MAP2K1: variants seen among roughly 807,000 people sequenced by gnomAD.
MAP2K1 encodes the protein dual specificity mitogen-activated protein kinase kinase 1.
A neutral mutation model predicts 46.3 loss-of-function variants in MAP2K1; 16 were observed. The observed-to-expected ratio is 0.35, with a 90% CI of 0.23 to 0.52. The LOEUF (loss-of-function observed/expected upper bound fraction) is 0.52, where lower values mean the gene tolerates loss of function less well. Among genes scored for constraint, MAP2K1 ranks in the 20% least tolerant of loss-of-function variants. MAP2K1 has a pLI of 0.94. For synonymous variants in MAP2K1, 183 were observed against 185.6 expected (o/e 0.99, Z 0.11); for missense variants, 263 against 497.1 (o/e 0.53, Z 4.48).
In MAP2K1 at chr15:66,491,015, T is replaced by C. The variant is rs772667633; in HGVS notation, c.*400T>C. ...GGTGGTACTTTATTCTTGCTGGGCA[T>C]ACTTTCTCTCTAGGAGGGAGCCTTG... On this transcript the variant is annotated 3_prime_UTR_variant, in exon 11 of 11. Coordinates refer to ENST00000307102, the MANE Select transcript of MAP2K1 (RefSeq NM_002755.4). 2.4e-6 allele frequency: 1 copy of C among 423,144 alleles called. No homozygotes were observed. Among genetic ancestry groups the C allele is most frequent in the Non-Finnish European group, 4.4e-6 (1 of 226,922 alleles). The allele number at this position is 423,144 out of a possible 1,614,324, so 26.2% of individuals were successfully genotyped here.
chr15:66,489,902 A>C, intron 10 of MAP2K1, 139 bp downstream of exon 10: 1 of 796,562 alleles, frequency 1.3e-6, no homozygotes, highest in South Asian at 1.4e-5. Context: ...GCAGAATACC[A>C]AACACCAGTC....
chr15:66,457,815 T>C (rs1378449222), intron 5 of MAP2K1, among the ~76,000 whole-genome samples: 5 of 151,752 alleles, frequency 3.3e-5, no homozygotes, highest in Non-Finnish European at 5.9e-5. Context: ...TACAAAAAAT[T>C]AGCCAGGCAT....
intron 5 of MAP2K1, among the ~76,000 whole-genome samples, chr15:66,478,180 TC>T (rs972937468): frequency 4.0e-5 from 6 of 151,124 alleles, no homozygotes; most frequent in Non-Finnish European, 8.8e-5. Context: ...ACAGGGCCGT[TC>T]CTTGCCACCC....
intron 1 of MAP2K1, among the ~76,000 whole-genome samples, chr15:66,411,977 C>T (rs1330765907): frequency 2.0e-5 from 3 of 152,180 alleles, no homozygotes; most frequent in Non-Finnish European, 4.4e-5. Context: ...TCCAGACCCT[C>T]TGACTTCAAG....
Position 66,387,041 on chromosome 15 carries a change from T to G in MAP2K1, c.-307T>G. On this transcript the variant is annotated 5_prime_UTR_variant, in exon 1 of 11. Coordinates refer to ENST00000307102, the MANE Select transcript of MAP2K1 (RefSeq NM_002755.4). ...GCCCGAGCCGGAGGGACTGGTTGGT[T>G]GAGAGAGAGAGAGGAAGGGAATCCC... 2 of 334,132 alleles carry G rather than the reference T, an allele frequency of 6.0e-6. No homozygotes were observed. The highest frequency in any genetic ancestry group is 1.1e-5 in the Non-Finnish European group (2 of 185,634). 20.7% of individuals were successfully genotyped at this position (334,132 alleles called of 1,614,324 possible). A position where few individuals can be genotyped will look rare whatever the true frequency, so the allele number is the denominator to read the frequency against.
chr15:66,466,534 G>A (rs2140641543), intron 5 of MAP2K1, among the ~76,000 whole-genome samples: 1 of 152,120 alleles, frequency 6.6e-6, no homozygotes, highest in South Asian at 2.1e-4. Flanking sequence ...CAAAAAATTA[G>A]CTGGGCGTGG....
intron 1 of MAP2K1, among the ~76,000 whole-genome samples, chr15:66,429,742 G>C (rs1486543117): frequency 7.0e-6 from 1 of 142,094 alleles, no homozygotes; most frequent in Non-Finnish European, 1.5e-5. Flanking sequence ...CTGTGCTTTT[G>C]GCACTCTCTG....
At position 66,417,470 on chromosome 15, in the gene MAP2K1, C is replaced by CT. The variant is rs1446898783; in HGVS notation, c.81-17556dup. ...GCCTGTAGTCCAGTTACTTGAGAAACTGAGGTGGGAGGGAGGATCGCCTGA... is the reference window on the plus strand; with the variant it reads ...GCCTGTAGTCCAGTTACTTGAGAAACTTGAGGTGGGAGGGAGGATCGCCTGA... On this transcript the variant is annotated intron_variant, in intron 1 of 10. Transcript: ENST00000307102. Among the ~76,000 whole-genome samples the CT allele has an allele frequency of 2.1e-4, 32 of 152,112 alleles. No homozygotes were observed. The East Asian group carries it at 6.0e-3, about 29-fold the overall frequency.
chr15:66,443,590 G>GA (rs1208619202), intron 4 of MAP2K1, among the ~76,000 whole-genome samples: 4 of 152,270 alleles, frequency 2.6e-5, no homozygotes, highest in African/African-American at 4.8e-5. Flanking sequence ...TGAAAAACGG[G>GA]CCAGGCACAG....
intron 2 of MAP2K1, 114 bp downstream of exon 2, chr15:66,435,351 A>ATTTTTT: frequency 3.3e-5 from 20 of 613,454 alleles, no homozygotes; most frequent in Non-Finnish European, 4.7e-5. Flanking sequence ...TGCTGTTTGA[A>ATTTTTT]TTTTTTTTTT....
At chr15:66,445,313 A>G (rs1291664132) in intron 5 of MAP2K1, among the ~76,000 whole-genome samples, 4 of 152,066 alleles carry the variant, frequency 2.6e-5, no homozygotes, top group Non-Finnish European at 5.9e-5. Context: ...AATTGCTTGA[A>G]CCTGGGAGGC....
chr15:66,479,997 C>G (rs1892875687), intron 5 of MAP2K1, among the ~76,000 whole-genome samples: 2 of 152,046 alleles, frequency 1.3e-5, no homozygotes, highest in Non-Finnish European at 2.9e-5. Flanking sequence ...CTCTGCCTCC[C>G]AGGTTCAAGT....
At chr15:66,487,826 C>T (rs1341267294) in intron 8 of MAP2K1, among the ~76,000 whole-genome samples, 1 of 151,988 alleles carries the variant, frequency 6.6e-6, no homozygotes, top group African/African-American at 2.4e-5. Flanking sequence ...GGGACCTAGG[C>T]TAGGTGGTTC....
intron 10 of MAP2K1, chr15:66,490,162 C>T: frequency 3.9e-6 from 2 of 508,936 alleles, no homozygotes; most frequent in South Asian, 4.1e-5. Flanking sequence ...AATATCTGGA[C>T]AGCCATAGAC....
chr15:66,449,318 C>T (rs900275734), intron 5 of MAP2K1, among the ~76,000 whole-genome samples: 1 of 152,114 alleles, frequency 6.6e-6, no homozygotes, highest in Non-Finnish European at 1.5e-5. Context: ...CATATAACTT[C>T]GATGAATCTC....
chr15:66,483,465 G>C (rs1892961281), intron 6 of MAP2K1, among the ~76,000 whole-genome samples: 1 of 152,144 alleles, frequency 6.6e-6, no homozygotes, highest in Non-Finnish European at 1.5e-5. Flanking sequence ...ACTAATCAAG[G>C]GTTTAATGGT....
At chr15:66,465,240 T>C (rs1892432364) in intron 5 of MAP2K1, among the ~76,000 whole-genome samples, 1 of 152,038 alleles carries the variant, frequency 6.6e-6, no homozygotes, top group Non-Finnish European at 1.5e-5. Context: ...AAAGAAGGAA[T>C]GGCTTTATTC....
chr15:66,454,379 T>A (rs1892111114), intron 5 of MAP2K1, among the ~76,000 whole-genome samples: 1 of 152,134 alleles, frequency 6.6e-6, no homozygotes, highest in East Asian at 1.9e-4. Context: ...TCATTTAACT[T>A]CTCCAAACCT....
At chr15:66,444,397 G>A (rs1258430882) in intron 4 of MAP2K1, among the ~76,000 whole-genome samples, 1 of 149,984 alleles carries the variant, frequency 6.7e-6, no homozygotes, top group East Asian at 2.0e-4. Flanking sequence ...GCCGGGGGTG[G>A]TAGCGCATGC....
Sources: allele counts gnomAD v4.1 joint callset (sites outside exome capture counted in the v4.1 genomes callset), GRCh38; gene constraint gnomAD v4.1.1; transcripts MANE v1.5; gene names NCBI Gene and HGNC (gene_info 2026-07-23, HGNC 2026-07-21).